The following PPFIA2 variants were observed in gnomAD, a reference collection of about 807,000 sequenced individuals.
The protein encoded by PPFIA2 is liprin-alpha-2.
Under a neutral mutation model 175.5 loss-of-function variants are expected in PPFIA2, and 46 were observed. The observed-to-expected ratio is 0.26, with a 90% confidence interval of 0.21 to 0.34. The LOEUF (loss-of-function observed/expected upper bound fraction) is 0.34. Ranked by LOEUF, PPFIA2 falls within the 10% of genes least tolerant of loss-of-function variation. The pLI, the probability that PPFIA2 is intolerant of heterozygous loss-of-function variation, is 1.00. For missense variants in PPFIA2, 1,179 were observed against 1,506.1 expected, an observed-to-expected ratio of 0.78 and a Z score of 3.60; for synonymous variants, 568 against 511.4, an observed-to-expected ratio of 1.11 and a Z score of -1.49.
chr12:81,329,223 C>T (rs1004733184), intron 21 of PPFIA2, among the ~76,000 whole-genome samples: 1 of 152,126 alleles, frequency 6.6e-6, no homozygotes, highest in African/African-American at 2.4e-5. Flanking sequence ...ACACAATGAA[C>T]TCCACCCCTT....
At chr12:81,715,922 A>T (rs1596724854) in intron 3 of PPFIA2, among the ~76,000 whole-genome samples, 1 of 151,578 alleles carries the variant, frequency 6.6e-6, no homozygotes, top group Admixed American at 6.6e-5. Flanking sequence ...CAATTTTTTT[A>T]AATTTTAACT....
chr12:81,425,961 G>A lies in PPFIA2; in HGVS notation c.645+14011C>T, dbSNP rs79116323. 1.5e-3 allele frequency among the ~76,000 whole-genome samples: 227 copies of A among 152,228 alleles called. 3 individuals are homozygous for A. In the East Asian group the frequency reaches 0.028, roughly 19 times the overall value. On this transcript the variant is annotated intron_variant, in intron 7 of 32. Transcript: ENST00000549396. ...GGTAAAGAATTTGACCTTACCCAAAGGAGGTCAGGCTTTTGCCCTCAGCCT... is the reference window on the plus strand; with the variant it reads ...GGTAAAGAATTTGACCTTACCCAAAAGAGGTCAGGCTTTTGCCCTCAGCCT...
chr12:81,387,424 G>C (rs114226692), intron 8 of PPFIA2, among the ~76,000 whole-genome samples: 1 of 152,012 alleles, frequency 6.6e-6, no homozygotes, highest in Non-Finnish European at 1.5e-5. Context: ...AGAACAGAAA[G>C]CATCATGAAA....
At chr12:81,285,893 T>C (rs1323643541) in intron 24 of PPFIA2, among the ~76,000 whole-genome samples, 1 of 152,100 alleles carries the variant, frequency 6.6e-6, no homozygotes, top group Non-Finnish European at 1.5e-5. Flanking sequence ...CCAAGTAGGT[T>C]CCTTGGGAGG....
intron 4 of PPFIA2, among the ~76,000 whole-genome samples, chr12:81,483,842 G>C (rs904666635): frequency 3.3e-5 from 5 of 151,926 alleles, no homozygotes; most frequent in Non-Finnish European, 1.5e-5. Context: ...AATTTCTGCT[G>C]TACACTTGGG....
intron 8 of PPFIA2, among the ~76,000 whole-genome samples, chr12:81,391,379 T>C (rs2040085172): frequency 6.6e-6 from 1 of 151,752 alleles, no homozygotes; most frequent in African/African-American, 2.4e-5. Context: ...TATAAGGAAA[T>C]GGTAAAATAT....
intron 22 of PPFIA2, 132 bp from the exon 23 acceptor site, chr12:81,299,514 A>T (rs2047301650): frequency 1.7e-6 from 2 of 1,203,224 alleles, no homozygotes; most frequent in African/African-American, 3.0e-5. Context: ...GAATAACAGA[A>T]TTCCTTATTC....
At chr12:81,327,890 C>T (rs2055166374) in intron 21 of PPFIA2, among the ~76,000 whole-genome samples, 1 of 151,834 alleles carries the variant, frequency 6.6e-6, no homozygotes, top group Non-Finnish European at 1.5e-5. Context: ...CGGAGTATTG[C>T]AAAATCTAGT....
chr12:81,577,438 C>T (rs2073748051), intron 4 of PPFIA2, among the ~76,000 whole-genome samples: 4 of 151,948 alleles, frequency 2.6e-5, no homozygotes, highest in African/African-American at 9.6e-5. Context: ...TGCCAGAGAG[C>T]ATTCATTAAA....
At chr12:81,414,649 G>A (rs988773049) in intron 7 of PPFIA2, among the ~76,000 whole-genome samples, 4 of 151,366 alleles carry the variant, frequency 2.6e-5, no homozygotes, top group African/African-American at 9.7e-5. Flanking sequence ...AATTCCCAGG[G>A]TGACACTTAT....
At chr12:81,692,015 G>C (rs1459176984) in intron 3 of PPFIA2, among the ~76,000 whole-genome samples, 1 of 151,744 alleles carries the variant, frequency 6.6e-6, no homozygotes, top group Non-Finnish European at 1.5e-5. Context: ...GTGTTGGGAT[G>C]TCTTCTTGTC....
chr12:81,364,267 A>T (rs1159348282), intron 14 of PPFIA2, among the ~76,000 whole-genome samples: 1 of 151,916 alleles, frequency 6.6e-6, no homozygotes, highest in Non-Finnish European at 1.5e-5. Flanking sequence ...TTTTAAAAGT[A>T]TGATTGCAGA....
chr12:81,267,096 G>A, intron 29 of PPFIA2, 76 bp from the exon 30 acceptor site: 2 of 1,074,480 alleles, frequency 1.9e-6, no homozygotes, highest in Admixed American at 4.0e-5. Context: ...ATATTTATCT[G>A]ATAATGTATT....
At chr12:81,311,067 T>G (rs2050647144) in intron 22 of PPFIA2, among the ~76,000 whole-genome samples, 1 of 152,228 alleles carries the variant, frequency 6.6e-6, no homozygotes, top group Non-Finnish European at 1.5e-5. Flanking sequence ...AGTGTTTTAA[T>G]GAGCTCACCA....
At chr12:81,726,891 C>CA (rs1286170746) in intron 3 of PPFIA2, among the ~76,000 whole-genome samples, 1 of 151,258 alleles carries the variant, frequency 6.6e-6, no homozygotes, top group Non-Finnish European at 1.5e-5. Context: ...AATGACCTGC[C>CA]AATTGCTCTT....
chr12:81,389,629 C>T (rs1047355309), intron 8 of PPFIA2, among the ~76,000 whole-genome samples: 10 of 151,864 alleles, frequency 6.6e-5, no homozygotes, highest in African/African-American at 2.4e-4. Context: ...TTAATAATAT[C>T]AGAATAAAAA....
At chr12:81,689,742 A>T (rs1380968954) in intron 3 of PPFIA2, among the ~76,000 whole-genome samples, 1 of 152,080 alleles carries the variant, frequency 6.6e-6, no homozygotes, top group Non-Finnish European at 1.5e-5. Flanking sequence ...AGAATATTTT[A>T]TATCCTTATC....
At chr12:81,478,175 A>G (rs2057727867) in intron 4 of PPFIA2, among the ~76,000 whole-genome samples, 1 of 152,094 alleles carries the variant, frequency 6.6e-6, no homozygotes, top group Non-Finnish European at 1.5e-5. Context: ...CATTTCTTCT[A>G]GATTTTCTAG....
chr12:81,279,958 A>C (rs1473282290), intron 27 of PPFIA2, among the ~76,000 whole-genome samples: 1 of 152,218 alleles, frequency 6.6e-6, no homozygotes, highest in African/African-American at 2.4e-5. Flanking sequence ...ACAGAGAAAA[A>C]ATAATTCTTC....
Sources: gnomAD v4.1 joint callset for allele counts (sites outside exome capture counted in the v4.1 genomes callset) on GRCh38, gnomAD v4.1.1 for gene constraint, MANE v1.5 for transcripts, NCBI Gene and HGNC (gene_info 2026-07-23, HGNC 2026-07-21) for gene names.